The following FMN2 variants were observed in gnomAD, a reference collection of about 807,000 sequenced individuals.
FMN2 encodes the protein formin-2.
FMN2 carries 51 observed loss-of-function variants against 142.3 expected under a neutral mutation model. The observed-to-expected ratio is 0.36, with a 90% CI of 0.29 to 0.45. The LOEUF (loss-of-function observed/expected upper bound fraction) is 0.45. FMN2 is among the 20% of genes least tolerant of loss of function. The probability of loss-of-function intolerance (pLI) is 1.00; values close to 1 mark genes in which losing one functional copy is unlikely to be tolerated. For missense variants in FMN2, 1,936 were observed against 2,122.8 expected, an observed-to-expected ratio of 0.91 and a Z score of 1.73; for synonymous variants, 882 against 869.8, an observed-to-expected ratio of 1.01 and a Z score of -0.25.
intron 14 of FMN2, among the ~76,000 whole-genome samples, chr1:240,385,625 G>C (rs114238373): frequency 1.3e-5 from 2 of 152,118 alleles, no homozygotes; most frequent in Non-Finnish European, 2.9e-5. Context: ...TCGTGGATGC[G>C]TATTATGTTT....
intron 1 of FMN2, among the ~76,000 whole-genome samples, chr1:240,105,561 C>T (rs140698546): frequency 1.3e-5 from 2 of 152,086 alleles, no homozygotes; most frequent in African/African-American, 4.8e-5. Flanking sequence ...TGAAAGATCT[C>T]TTCATTTATT....
intron 6 of FMN2, among the ~76,000 whole-genome samples, chr1:240,236,394 A>C (rs372120114): frequency 6.6e-6 from 1 of 152,214 alleles, no homozygotes; most frequent in African/African-American, 2.4e-5. Context: ...CGTCGCCAGC[A>C]TTAAAGATTA....
chr1:240,308,572 C>A (rs369439272), intron 8 of FMN2, among the ~76,000 whole-genome samples: 1 of 152,130 alleles, frequency 6.6e-6, no homozygotes, highest in Non-Finnish European at 1.5e-5. Flanking sequence ...TAAGAACCCA[C>A]GACTGTATTC....
intron 7 of FMN2, among the ~76,000 whole-genome samples, chr1:240,290,793 G>GTTTTTTTTTTTTTTTTT (rs761547443): frequency 2.4e-5 from 2 of 84,714 alleles, no homozygotes; most frequent in African/African-American, 9.5e-5. Flanking sequence ...TTTTTTTTTT[G>GTTTTTTTTTTTTTTTTT]TTTTTTTTTT....
intron 2 of FMN2, among the ~76,000 whole-genome samples, chr1:240,129,016 G>A (rs1372894232): frequency 6.6e-6 from 1 of 152,026 alleles, no homozygotes. Flanking sequence ...TGGGATTATA[G>A]GCAGGCACCA....
chr1:240,238,857 T>C (rs1415462693), intron 6 of FMN2, among the ~76,000 whole-genome samples: 2 of 152,190 alleles, frequency 1.3e-5, no homozygotes, highest in East Asian at 3.9e-4. Flanking sequence ...TCAACAACAA[T>C]ATGGATTTTA....
chr1:240,470,247 A>C (rs12064536), intron 16 of FMN2, among the ~76,000 whole-genome samples: 1,563 of 151,982 alleles, frequency 0.01, 24 homozygotes, highest in African/African-American at 0.036. Context: ...TCCCTATCCA[A>C]ATACTTCAAC....
chr1:240,426,178 T>C (rs1051291764), intron 15 of FMN2, among the ~76,000 whole-genome samples: 1 of 152,182 alleles, frequency 6.6e-6, no homozygotes, highest in African/African-American at 2.4e-5. Flanking sequence ...CTCTTTTGGT[T>C]GTAATAAAAA....
intron 2 of FMN2, 102 bp from the exon 3 acceptor site, chr1:240,177,819 A>G (rs3765590): frequency 0.2 from 201,737 of 1,010,434 alleles, 21,410 homozygotes; most frequent in African/African-American, 0.29. Context: ...GTATGCATAT[A>G]TAAGTAATTT....
At chr1:240,148,383 AAGAC>A (rs746678222) in intron 2 of FMN2, among the ~76,000 whole-genome samples, 1,646 of 122,140 alleles carry the variant, frequency 0.013, 24 homozygotes, top group African/African-American at 0.048. Flanking sequence ...GAGAGAGAGA[AAGAC>A]AGAGAGAAAG....
intron 14 of FMN2, among the ~76,000 whole-genome samples, chr1:240,370,072 C>A (rs918208666): frequency 6.6e-6 from 1 of 152,050 alleles, no homozygotes; most frequent in Non-Finnish European, 1.5e-5. Flanking sequence ...GAGGCCTGTT[C>A]AAAAATTTCC....
chr1:240,139,599 A>T (rs1229770139), intron 2 of FMN2, among the ~76,000 whole-genome samples: 2 of 152,248 alleles, frequency 1.3e-5, no homozygotes, highest in Non-Finnish European at 2.9e-5. Context: ...AAAAAGAAAG[A>T]AGGAGTGTTA....
At chr1:240,252,952 A>ATTTTTTTTTTTTTTTTTTTTTTTTTTT (rs1572118578) in intron 6 of FMN2, among the ~76,000 whole-genome samples, 1 of 33,880 alleles carries the variant, frequency 3.0e-5, no homozygotes, top group Non-Finnish European at 5.0e-5. Flanking sequence ...AGTCTTGTTC[A>ATTTTTTTTTTTTTTTTTTTTTTTTTTT]CTTTTTTTTT....
chr1:240,361,132 AATATATGTGTATATAT>A (rs1315952114), intron 14 of FMN2, among the ~76,000 whole-genome samples: 39 of 35,730 alleles, frequency 1.1e-3, no homozygotes, highest in African/African-American at 1.8e-3. Flanking sequence ...ATAATAAATA[AATATATGTGTATATAT>A]ATATATATAT....
chr1:240,311,922 C>T (rs1670616976), intron 8 of FMN2, among the ~76,000 whole-genome samples: 2 of 152,168 alleles, frequency 1.3e-5, no homozygotes, highest in South Asian at 4.1e-4. Flanking sequence ...AACTGCTGAA[C>T]TCAAGTGATC....
intron 15 of FMN2, among the ~76,000 whole-genome samples, chr1:240,405,154 C>T (rs1000664185): frequency 6.6e-6 from 1 of 152,134 alleles, no homozygotes; most frequent in African/African-American, 2.4e-5. Flanking sequence ...GTAATGAAAT[C>T]ACTGTGTGTT....
At position 240,149,247 on chromosome 1, in the gene FMN2, A is replaced by G. The variant is rs191492897; in HGVS notation, c.1782+25902A>G. On this transcript the variant is annotated intron_variant, in intron 2 of 17. Transcript: ENST00000319653. Reference sequence around the variant, plus strand: ...ATCTTGTCTGTAAGGTTTATATTCTATATTAAGAAGTTATTATGTAATGCA... The same window carrying G: ...ATCTTGTCTGTAAGGTTTATATTCTGTATTAAGAAGTTATTATGTAATGCA... Among the ~76,000 whole-genome samples the G allele has an allele frequency of 1.3e-3, 203 of 152,322 alleles. 4 individuals carry two copies. In the South Asian group the frequency reaches 0.028, roughly 21 times the overall value.
intron 16 of FMN2, among the ~76,000 whole-genome samples, chr1:240,444,610 G>A (rs1182420480): frequency 2.0e-5 from 3 of 152,178 alleles, no homozygotes; most frequent in Non-Finnish European, 4.4e-5. Flanking sequence ...TTCTCTAATT[G>A]CACAAGCATG....
At chr1:240,263,286 A>G (rs578133804) in intron 7 of FMN2, among the ~76,000 whole-genome samples, 17 of 152,286 alleles carry the variant, frequency 1.1e-4, no homozygotes, top group African/African-American at 3.8e-4. Context: ...TTTGCTTCAG[A>G]CAGATATAAG....
Sources: allele counts gnomAD v4.1 joint callset (sites outside exome capture counted in the v4.1 genomes callset), GRCh38; gene constraint gnomAD v4.1.1; transcripts MANE v1.5; gene names NCBI Gene and HGNC (gene_info 2026-07-23, HGNC 2026-07-21).